PRKN: variants seen among roughly 807,000 people sequenced by gnomAD.
PRKN encodes the protein E3 ubiquitin-protein ligase parkin.
A neutral mutation model predicts 59.5 loss-of-function variants in PRKN; 56 were observed. That is an observed-to-expected ratio of 0.94 (90% confidence interval 0.76 to 1.18). The LOEUF is 1.18. Among genes scored for constraint, PRKN ranks in the 50% most tolerant of loss-of-function variants. PRKN has a pLI of 0.00. For synonymous variants in PRKN, 250 were observed against 222.1 expected (o/e 1.13, Z -1.12); for missense variants, 657 against 596.4 (o/e 1.10, Z -1.06).
At chr6:161,490,784 T>C (rs4709532) in intron 9 of PRKN, among the ~76,000 whole-genome samples, 115,622 of 151,954 alleles carry the variant, frequency 0.76, 44,173 homozygotes, top group Middle Eastern at 0.85. Flanking sequence ...TTGACTGGAT[T>C]GTGGGGGTGG....
At chr6:162,358,511 C>G (rs1195112390) in intron 2 of PRKN, among the ~76,000 whole-genome samples, 1 of 152,104 alleles carries the variant, frequency 6.6e-6, no homozygotes, top group Non-Finnish European at 1.5e-5. Flanking sequence ...TTAAATGCTA[C>G]AAATTTACAT....
Position 162,338,246 on chromosome 6 carries a change from T to TCTCTCC in PRKN, c.172-75487_172-75482dup, listed in dbSNP as rs748177724. 5.2e-3 allele frequency among the ~76,000 whole-genome samples: 796 copies of TCTCTCC among 151,864 alleles called. 12 individuals are homozygous for TCTCTCC. The highest frequency in any genetic ancestry group is 0.017 in the African/African-American group (712 of 41,262). The stretch of plus-strand genomic sequence containing the variant: ...AGAAGTAGTCTCTGAAAAAGAGTGT[T>TCTCTCC]CTCTCCCTCTCCCTCTCCCTCTCCC... On this transcript the variant is annotated intron_variant, in intron 2 of 11. Coordinates refer to ENST00000366898, the MANE Select transcript of PRKN (RefSeq NM_004562.3).
intron 2 of PRKN, among the ~76,000 whole-genome samples, chr6:162,286,686 C>T (rs1781207336): frequency 6.6e-6 from 1 of 152,196 alleles, no homozygotes; most frequent in Non-Finnish European, 1.5e-5. Context: ...ATAAGGCATT[C>T]ATTAGGAACA....
rs535290910 is a variant in PRKN, at chr6:161,906,496, C to T, written c.734+66806G>A. Reference sequence around the variant, plus strand: ...CCTCTCTGGCCAAGGAGAAGCCACTCGACTCTGGGACTCCATCTAGCTTTC... The same window carrying T: ...CCTCTCTGGCCAAGGAGAAGCCACTTGACTCTGGGACTCCATCTAGCTTTC... On this transcript the variant is annotated intron_variant, in intron 6 of 11. Coordinates refer to ENST00000366898, the MANE Select transcript of PRKN (RefSeq NM_004562.3). Among the ~76,000 whole-genome samples the T allele has an allele frequency of 1.7e-3, 251 of 152,052 alleles. 9 individuals carry two copies. The South Asian group carries it at 0.05, about 30-fold the overall frequency.
At chr6:161,772,588 G>A (rs1487815882) in intron 7 of PRKN, among the ~76,000 whole-genome samples, 1 of 152,150 alleles carries the variant, frequency 6.6e-6, no homozygotes, top group Non-Finnish European at 1.5e-5. Flanking sequence ...AATGAACTCT[G>A]CTTTTTACAA....
In PRKN at chr6:161,407,832, T is replaced by C. The variant is rs140528628; in HGVS notation, c.1084-20955A>G. ...AACTGATCAGTTGACCTTGTGACATTCTTCTTTCGGACAATGAGTCTTATG... is the reference window on the plus strand; with the variant it reads ...AACTGATCAGTTGACCTTGTGACATCCTTCTTTCGGACAATGAGTCTTATG... On this transcript the variant is annotated intron_variant, in intron 9 of 11. Coordinates refer to ENST00000366898, the MANE Select transcript of PRKN (RefSeq NM_004562.3). The surrounding 1 kb of genome is among the most constrained non-coding windows in gnomAD (Gnocchi z 4.9). Among the ~76,000 whole-genome samples the C allele has an allele frequency of 7.4e-3, 1,130 of 152,248 alleles. 22 individuals are homozygous for C. Among genetic ancestry groups the C allele is most frequent in the African/African-American group, 0.026 (1,061 of 41,518 alleles).
chr6:162,333,978 C>G (rs1021331682), intron 2 of PRKN, among the ~76,000 whole-genome samples: 1 of 152,134 alleles, frequency 6.6e-6, no homozygotes, highest in Non-Finnish European at 1.5e-5. Flanking sequence ...TATCTGGATA[C>G]AAGATCGAAA....
chr6:162,454,608 A>G (rs919089849), intron 1 of PRKN, among the ~76,000 whole-genome samples: 2 of 152,186 alleles, frequency 1.3e-5, no homozygotes, highest in Non-Finnish European at 2.9e-5. Context: ...TTCACACTGG[A>G]CTGTATGTTA....
chr6:162,389,391 CTAGT>C (rs1246966095), intron 2 of PRKN, among the ~76,000 whole-genome samples: 2 of 152,116 alleles, frequency 1.3e-5, no homozygotes, highest in Non-Finnish European at 2.9e-5. Context: ...TAGGAAAATA[CTAGT>C]TGCTGTTCAG....
At chr6:162,020,140 C>T (rs556430366) in intron 5 of PRKN, among the ~76,000 whole-genome samples, 2 of 152,022 alleles carry the variant, frequency 1.3e-5, no homozygotes, top group African/African-American at 4.8e-5. Context: ...GGAGGGACAG[C>T]AGACTCTTCC....
chr6:162,003,370 A>G (rs1039184399), intron 5 of PRKN, among the ~76,000 whole-genome samples: 1 of 152,096 alleles, frequency 6.6e-6, no homozygotes, highest in African/African-American at 2.4e-5. Flanking sequence ...GAATTTTTGT[A>G]TATTGTGTTT....
At chr6:162,493,159 T>G (rs1180554790) in intron 1 of PRKN, among the ~76,000 whole-genome samples, 1 of 152,118 alleles carries the variant, frequency 6.6e-6, no homozygotes. Context: ...GACATTTCTA[T>G]CGCCAACCTG....
At chr6:161,452,368 T>C (rs61302486) in intron 9 of PRKN, among the ~76,000 whole-genome samples, 12,064 of 152,290 alleles carry the variant, frequency 0.079, 754 homozygotes, top group African/African-American at 0.18. Flanking sequence ...TTAAGTTCTC[T>C]GAAAGGCTTT....
rs905722236 is a variant in PRKN at position 161,547,192 on chromosome 6, C to A, written c.1083+1662G>T. ...CCAACAAACACACCTCCAAAACCAA[C>A]AAATCGAAACAAATTAAGATAAATT... On this transcript the variant is annotated intron_variant, in intron 9 of 11. Coordinates refer to ENST00000366898, the MANE Select transcript of PRKN (RefSeq NM_004562.3). This position sits in a 1 kb window ranked among gnomAD's most constrained non-coding sequence, Gnocchi z 4.0. Among the ~76,000 whole-genome samples the A allele has an allele frequency of 1.3e-5, 2 of 152,126 alleles. No individual in the cohort carries two copies. Among genetic ancestry groups the A allele is most frequent in the South Asian group, 2.1e-4 (1 of 4,828 alleles).
intron 6 of PRKN, among the ~76,000 whole-genome samples, chr6:161,840,949 ATGCTTATACAC>A (rs1792961247): frequency 6.6e-6 from 1 of 152,210 alleles, no homozygotes; most frequent in African/African-American, 2.4e-5. Context: ...AGAAAAAGGA[ATGCTTATACAC>A]TGCTGATGGG....
chr6:162,629,278 A>G (rs1232793336), intron 1 of PRKN, among the ~76,000 whole-genome samples: 1 of 152,140 alleles, frequency 6.6e-6, no homozygotes. Flanking sequence ...ATTTTATAAC[A>G]TTATTTTTGC....
chr6:161,620,235 C>G (rs1184640841), intron 7 of PRKN, among the ~76,000 whole-genome samples: 1 of 151,108 alleles, frequency 6.6e-6, no homozygotes, highest in South Asian at 2.1e-4. Context: ...CTCCTGACCT[C>G]AGGTGATCCG....
At chr6:161,643,990 T>C (rs946860108) in intron 7 of PRKN, among the ~76,000 whole-genome samples, 23 of 152,046 alleles carry the variant, frequency 1.5e-4, no homozygotes, top group African/African-American at 5.1e-4. Flanking sequence ...CCACAGTTCA[T>C]CAATGCCAGA....
chr6:161,416,341 T>TC (rs886303035), intron 9 of PRKN, among the ~76,000 whole-genome samples: 2 of 152,058 alleles, frequency 1.3e-5, no homozygotes, highest in African/African-American at 2.4e-5. Context: ...CGGTCTGTTT[T>TC]CCCCCGAGGA....
Sources: gnomAD v4.1 joint callset for allele counts (sites outside exome capture counted in the v4.1 genomes callset) on GRCh38, gnomAD v4.1.1 for gene constraint, Gnocchi (gnomAD v3.1) non-coding constraint, MANE v1.5 for transcripts, NCBI Gene and HGNC (gene_info 2026-07-23, HGNC 2026-07-21) for gene names.